Variants in KCNB2 observed in about 807,000 individuals in gnomAD.
KCNB2 encodes delayed rectifier potassium channel protein.
Under a neutral mutation model 61.5 loss-of-function variants are expected in KCNB2, and 15 were observed. The ratio of observed to expected loss-of-function variants is 0.24; its 90% confidence interval spans 0.16 to 0.38. The LOEUF is 0.38. Ranked by LOEUF, KCNB2 falls within the 10% of genes least tolerant of loss-of-function variation. The probability of loss-of-function intolerance (pLI) is 1.00; values close to 1 mark genes in which losing one functional copy is unlikely to be tolerated. For synonymous variants in KCNB2, 457 were observed against 446.0 expected, an observed-to-expected ratio of 1.02 and a Z score of -0.31; for missense variants, 828 against 1,125.2, an observed-to-expected ratio of 0.74 and a Z score of 3.78.
chr8:72,833,275 A>G (rs924170310), intron 2 of KCNB2, among the ~76,000 whole-genome samples: 29 of 152,188 alleles, frequency 1.9e-4, no homozygotes, highest in Admixed American at 1.2e-3. Context: ...TGAAGAGATG[A>G]GGCCAACTGT....
At chr8:72,610,644 C>T (rs1168540323) in intron 2 of KCNB2, among the ~76,000 whole-genome samples, 1 of 152,064 alleles carries the variant, frequency 6.6e-6, no homozygotes, top group Non-Finnish European at 1.5e-5. Context: ...ACGTATTAAT[C>T]CTCACAACTG....
At chr8:72,553,295 G>T (rs1806374508) in intron 1 of KCNB2, among the ~76,000 whole-genome samples, 1 of 151,966 alleles carries the variant, frequency 6.6e-6, no homozygotes, top group Non-Finnish European at 1.5e-5. Flanking sequence ...CTTTGAAATT[G>T]CCCATTTGTC....
chr8:72,820,458 C>T (rs1190594657), intron 2 of KCNB2, among the ~76,000 whole-genome samples: 1 of 152,144 alleles, frequency 6.6e-6, no homozygotes, highest in Non-Finnish European at 1.5e-5. Context: ...CAATCATGTT[C>T]AGAGTGGGAT....
At chr8:72,653,154 C>T (rs1471260096) in intron 2 of KCNB2, among the ~76,000 whole-genome samples, 1 of 152,132 alleles carries the variant, frequency 6.6e-6, no homozygotes, top group Non-Finnish European at 1.5e-5. Context: ...ATGACCTTGT[C>T]CCCAAATTCA....
intron 2 of KCNB2, among the ~76,000 whole-genome samples, chr8:72,923,680 A>G (rs886563737): frequency 1.3e-5 from 2 of 151,186 alleles, no homozygotes; most frequent in East Asian, 1.9e-4. Context: ...CAGACTATAC[A>G]TTTGTCTGTA....
Position 72,716,191 on chromosome 8 carries a change from G to C in KCNB2, c.579+147878G>C, listed in dbSNP as rs571751666. On this transcript the variant is annotated intron_variant, in intron 2 of 2. Transcript: ENST00000523207. ...ATTAATAGCTTAGCAACCAAAAAAAGTCCAGGACCAGATGGATTCACAGCC... is the reference window on the plus strand; with the variant it reads ...ATTAATAGCTTAGCAACCAAAAAAACTCCAGGACCAGATGGATTCACAGCC... Among the ~76,000 whole-genome samples the C allele has an allele frequency of 4.6e-5, 7 of 152,192 alleles. No individual in the cohort carries two copies. The South Asian group carries it at 6.2e-4, about 14-fold the overall frequency.
Position 72,882,228 on chromosome 8 carries a change from G to T in KCNB2, c.580-53707G>T, listed in dbSNP as rs142023531. Reference sequence around the variant, plus strand: ...TTTTCGGGTGAAACAGTGCAGTGTTGTGACTCATGGGCCGCCTATACCACT... The same window carrying T: ...TTTTCGGGTGAAACAGTGCAGTGTTTTGACTCATGGGCCGCCTATACCACT... On this transcript the variant is annotated intron_variant, in intron 2 of 2. Transcript: ENST00000523207. Among the ~76,000 whole-genome samples, 384 of 152,290 alleles carry T rather than the reference G, an allele frequency of 2.5e-3. 3 individuals carry two copies. The highest frequency in any genetic ancestry group is 8.7e-3 in the African/African-American group (360 of 41,560).
At position 72,835,621 on chromosome 8, in the gene KCNB2, A is replaced by C. The variant is rs73686543; in HGVS notation, c.580-100314A>C. Among the ~76,000 whole-genome samples the C allele has an allele frequency of 1.9e-3, 287 of 152,280 alleles. 3 individuals are homozygous for C. Among genetic ancestry groups the C allele is most frequent in the African/African-American group, 6.7e-3 (279 of 41,558 alleles). On this transcript the variant is annotated intron_variant, in intron 2 of 2. Transcript: ENST00000523207. The stretch of plus-strand genomic sequence containing the variant: ...TGTGCAAAAAGCTCCCAGATGTGTA[A>C]TTTGTAAGGACCCCAGGGGTGTAAG...
chr8:72,905,729 C>T (rs1298142306), intron 2 of KCNB2, among the ~76,000 whole-genome samples: 2 of 152,162 alleles, frequency 1.3e-5, no homozygotes, highest in African/African-American at 4.8e-5. Context: ...AAAAGGCTTT[C>T]AGTCAGATGC....
At chr8:72,715,190 A>G (rs2128992210) in intron 2 of KCNB2, among the ~76,000 whole-genome samples, 1 of 152,360 alleles carries the variant, frequency 6.6e-6, no homozygotes, top group South Asian at 2.1e-4. Flanking sequence ...AAAGAGACTT[A>G]GACTCCCACA....
chr8:72,772,352 C>G (rs1174715576), intron 2 of KCNB2, among the ~76,000 whole-genome samples: 1 of 152,202 alleles, frequency 6.6e-6, no homozygotes, highest in African/African-American at 2.4e-5. Flanking sequence ...TGGCCTCCAG[C>G]CATTAGCATC....
intron 2 of KCNB2, among the ~76,000 whole-genome samples, chr8:72,760,405 G>A (rs1808358025): frequency 1.3e-5 from 2 of 152,114 alleles, no homozygotes; most frequent in Admixed American, 6.5e-5. Context: ...CTGAAATCAT[G>A]TAGGCCAGTA....
chr8:72,758,086 C>T (rs1466381553), intron 2 of KCNB2, among the ~76,000 whole-genome samples: 3 of 152,146 alleles, frequency 2.0e-5, no homozygotes, highest in Non-Finnish European at 4.4e-5. Flanking sequence ...TGCAGAGTGG[C>T]TCTTTCTTTC....
intron 2 of KCNB2, among the ~76,000 whole-genome samples, chr8:72,828,682 G>A (rs1244548728): frequency 6.6e-6 from 1 of 152,134 alleles, no homozygotes; most frequent in Non-Finnish European, 1.5e-5. Context: ...TTCAAACCAA[G>A]CTAAGATCAT....
At chr8:72,643,509 A>G (rs1806085864) in intron 2 of KCNB2, among the ~76,000 whole-genome samples, 1 of 152,006 alleles carries the variant, frequency 6.6e-6, no homozygotes, top group Non-Finnish European at 1.5e-5. Context: ...ATCTGCATAT[A>G]CCATTAAGAG....
At chr8:72,882,527 G>GAGAC (rs1805731027) in intron 2 of KCNB2, among the ~76,000 whole-genome samples, 2 of 143,174 alleles carry the variant, frequency 1.4e-5, no homozygotes, top group Admixed American at 6.8e-5. Flanking sequence ...AGTTGAGAGA[G>GAGAC]AGAGAGAGAG....
chr8:72,644,243 G>T (rs1806096299), intron 2 of KCNB2, among the ~76,000 whole-genome samples: 1 of 151,826 alleles, frequency 6.6e-6, no homozygotes, highest in Non-Finnish European at 1.5e-5. Context: ...ATTTTAAAAA[G>T]TTCACCCCCC....
At chr8:72,681,471 A>G (rs74528543) in intron 2 of KCNB2, among the ~76,000 whole-genome samples, 2,118 of 152,230 alleles carry the variant, frequency 0.014, 40 homozygotes, top group African/African-American at 0.049. Flanking sequence ...CCTTACTGGA[A>G]GGTCTTCAGG....
intron 2 of KCNB2, among the ~76,000 whole-genome samples, chr8:72,588,850 G>A (rs1486273777): frequency 6.6e-6 from 1 of 151,994 alleles, no homozygotes. Context: ...GAACTATGAT[G>A]GCACCACTAC....
Sources: gnomAD v4.1 joint callset for allele counts (sites outside exome capture counted in the v4.1 genomes callset) on GRCh38, gnomAD v4.1.1 for gene constraint, MANE v1.5 for transcripts, NCBI Gene and HGNC (gene_info 2026-07-23, HGNC 2026-07-21) for gene names.